The following LIMD1 variants were observed in gnomAD, a reference collection of about 807,000 sequenced individuals.
LIMD1 encodes the protein LIM domain containing 1, also known as LIM domain-containing protein 1.
LIMD1 carries 23 observed loss-of-function variants against 58.4 expected under a neutral mutation model. That is an observed-to-expected ratio of 0.39 (90% confidence interval 0.28 to 0.56). The LOEUF (loss-of-function observed/expected upper bound fraction) is 0.56, where lower values mean the gene tolerates loss of function less well. Among genes scored for constraint, LIMD1 ranks in the 20% least tolerant of loss-of-function variants. LIMD1 has a pLI of 0.57. For synonymous variants in LIMD1, 334 were observed against 345.5 expected (o/e 0.97, Z 0.37); for missense variants, 838 against 855.5 (o/e 0.98, Z 0.25).
intron 4 of LIMD1, among the ~76,000 whole-genome samples, chr3:45,669,498 C>CAT (rs1422727984): frequency 1.3e-5 from 2 of 152,088 alleles, no homozygotes; most frequent in Non-Finnish European, 2.9e-5. Context: ...TTCACATGTG[C>CAT]ATATACCCCT....
intron 1 of LIMD1, chr3:45,635,824 C>G: frequency 7.7e-6 from 7 of 908,254 alleles, no homozygotes; most frequent in Non-Finnish European, 9.2e-6. Flanking sequence ...TGCAATCTTT[C>G]TGAACTGTCT....
Position 45,685,130 on chromosome 3 carries a change from TAAA to T in LIMD1, c.*8074_*8076del. ...ATTGGAAGGCCTCTGGCAGATTTTGTAAAAAGTTATATAACAATTTTACTATAG... is the reference window on the plus strand; with the variant it reads ...ATTGGAAGGCCTCTGGCAGATTTTGTAAGTTATATAACAATTTTACTATAG... On this transcript the variant is annotated 3_prime_UTR_variant, in exon 8 of 8. Transcript: ENST00000273317. 6.6e-6 allele frequency: 1 copy of T among 152,340 alleles called. No individual in the cohort carries two copies. The highest frequency in any genetic ancestry group is 2.1e-4 in the South Asian group (1 of 4,824). The allele number at this position is 152,340 out of a possible 1,614,324, so 9.4% of individuals were successfully genotyped here.
chr3:45,628,379 CAAAT>C (rs750904593), intron 1 of LIMD1, among the ~76,000 whole-genome samples: 1 of 152,072 alleles, frequency 6.6e-6, no homozygotes, highest in African/African-American at 2.4e-5. Flanking sequence ...AAAAGGATGA[CAAAT>C]AAGCAGGTGA....
chr3:45,668,180 G>C, intron 3 of LIMD1, 114 bp from the exon 4 acceptor site: 1 of 772,634 alleles, frequency 1.3e-6, no homozygotes, highest in East Asian at 2.6e-5. Context: ...ACAGAATTCT[G>C]CACAGAGTGA....
intron 1 of LIMD1, among the ~76,000 whole-genome samples, chr3:45,625,254 C>T (rs1470299923): frequency 2.6e-5 from 4 of 152,018 alleles, no homozygotes. Flanking sequence ...ATTTGAGAAC[C>T]ACTGTTGTGC....
chr3:45,640,305 G>A (rs1357142198), intron 2 of LIMD1, among the ~76,000 whole-genome samples: 1 of 152,052 alleles, frequency 6.6e-6, no homozygotes, highest in Middle Eastern at 3.2e-3. Flanking sequence ...ACATTTCTCT[G>A]TCCAGTCTTA....
chr3:45,668,312 T>G lies in LIMD1; in HGVS notation c.1597T>G (p.Ser533Ala). 6.2e-7 allele frequency: 1 copy of G among 1,613,156 alleles called. No individual in the cohort carries two copies. Among genetic ancestry groups the G allele is most frequent in the Non-Finnish European group, 8.5e-7 (1 of 1,179,388 alleles). Residue 533 changes from serine (S) to alanine (A), a missense_variant, in exon 4 of 8, where the codon TCG becomes GCG. This residue lies in a region of LIMD1 where 174 missense variants were observed against 197.4 expected (regional missense o/e 0.88). Coordinates refer to ENST00000273317, the MANE Select transcript of LIMD1 (RefSeq NM_014240.3). ...EDFLYSGFQQSADRCFLCGHL... is the reference protein window; with the variant it reads ...EDFLYSGFQQAADRCFLCGHL... ...TCTGCAGTACTCTGGTTTCCAGCAG[T>G]CGGCTGACAGGTGTTTTCTTTGTGG...
chr3:45,600,461 A>G (rs1701400282), intron 1 of LIMD1, among the ~76,000 whole-genome samples: 1 of 151,900 alleles, frequency 6.6e-6, no homozygotes, highest in Admixed American at 6.6e-5. Flanking sequence ...GTTTAGTAAA[A>G]TAGGATCCTA....
At position 45,625,080 on chromosome 3, in the gene LIMD1, T is replaced by TATGTTAATATG. The variant is rs548645770; in HGVS notation, c.1409-11070_1409-11069insATGTTAATATG. Among the ~76,000 whole-genome samples the TATGTTAATATG allele has an allele frequency of 3.1e-3, 464 of 152,074 alleles. 4 individuals carry two copies. The highest frequency in any genetic ancestry group is 0.01 in the African/African-American group (427 of 41,490). The stretch of plus-strand genomic sequence containing the variant: ...GACCAGTTTTGCCGTATGTTAATGG[T>TATGTTAATATG]TTTCAGATAATCTTCCTGGAACCAC... On this transcript the variant is annotated intron_variant, in intron 1 of 7. Coordinates refer to ENST00000273317, the MANE Select transcript of LIMD1 (RefSeq NM_014240.3).
At chr3:45,675,434 CAGG>C (rs962737480) in intron 7 of LIMD1, among the ~76,000 whole-genome samples, 5 of 152,164 alleles carry the variant, frequency 3.3e-5, no homozygotes, top group African/African-American at 1.2e-4. Flanking sequence ...GAAGCTGAGA[CAGG>C]AGAATTGCTT....
chr3:45,613,469 G>C (rs1461156700), intron 1 of LIMD1, among the ~76,000 whole-genome samples: 1 of 152,026 alleles, frequency 6.6e-6, no homozygotes, highest in South Asian at 2.1e-4. Flanking sequence ...CTATGCTGTT[G>C]CATTATCAAC....
At chr3:45,623,251 G>A (rs1346062998) in intron 1 of LIMD1, among the ~76,000 whole-genome samples, 1 of 152,124 alleles carries the variant, frequency 6.6e-6, no homozygotes, top group Non-Finnish European at 1.5e-5. Flanking sequence ...TCGAAGTTAA[G>A]ACCCTCGTGA....
intron 2 of LIMD1, among the ~76,000 whole-genome samples, chr3:45,638,848 G>T (rs1417065317): frequency 1.3e-5 from 2 of 152,082 alleles, no homozygotes; most frequent in African/African-American, 4.8e-5. Flanking sequence ...TTGTGGTTTT[G>T]ATTTGCATTT....
intron 2 of LIMD1, among the ~76,000 whole-genome samples, chr3:45,640,402 C>T (rs1030052155): frequency 6.6e-6 from 1 of 152,074 alleles, no homozygotes; most frequent in African/African-American, 2.4e-5. Context: ...GTGCACTCTG[C>T]TTTCTTGTTG....
intron 2 of LIMD1, among the ~76,000 whole-genome samples, chr3:45,655,503 A>G (rs1342909693): frequency 6.6e-6 from 1 of 152,184 alleles, no homozygotes; most frequent in Non-Finnish European, 1.5e-5. Flanking sequence ...ACAGCATCAA[A>G]TGGAAGTGCC....
chr3:45,676,167 G>A, intron 7 of LIMD1, among the ~76,000 whole-genome samples: 1 of 152,056 alleles, frequency 6.6e-6, no homozygotes, highest in East Asian at 1.9e-4. Flanking sequence ...CCTTGAACGG[G>A]GGAGGTGGAT....
intron 1 of LIMD1, 160 bp from the exon 2 acceptor site, chr3:45,635,990 G>A: frequency 1.0e-6 from 1 of 985,288 alleles, no homozygotes; most frequent in Non-Finnish European, 1.2e-6. Flanking sequence ...GAGTGACAGA[G>A]GGAGAGGGAG....
rs544828498 is a variant in LIMD1 at position 45,659,771 on chromosome 3, A to G, written c.1511-5879A>G. 2.0e-5 allele frequency among the ~76,000 whole-genome samples: 3 copies of G among 152,332 alleles called. No individual in the cohort carries two copies. In the South Asian group the frequency reaches 6.2e-4, roughly 32 times the overall value. On this transcript the variant is annotated intron_variant, in intron 2 of 7. Coordinates refer to ENST00000273317, the MANE Select transcript of LIMD1 (RefSeq NM_014240.3). ...CCAGTTTGGATCTAAGTAAATATTT[A>G]TTCACTTTTTAAAATTCTTTCCCAA...
Position 45,677,151 on chromosome 3 carries a change from G to A in LIMD1, c.*92G>A. ...GCCCCTGGGGTGGAAGTGGGGTAGG[G>A]GAAGAGGAGGGGCAGGAGGGAGAGT... On this transcript the variant is annotated 3_prime_UTR_variant, in exon 8 of 8. Coordinates refer to ENST00000273317, the MANE Select transcript of LIMD1 (RefSeq NM_014240.3). 1 of 1,434,944 alleles carries A rather than the reference G, an allele frequency of 7.0e-7. No homozygotes were observed. Among genetic ancestry groups the A allele is most frequent in the African/African-American group, 1.4e-5 (1 of 71,716 alleles). 88.9% of individuals were successfully genotyped at this position (1,434,944 alleles called of 1,614,324 possible). A position where few individuals can be genotyped will look rare whatever the true frequency, so the allele number is the denominator to read the frequency against.
Sources: allele counts gnomAD v4.1 joint callset (sites outside exome capture counted in the v4.1 genomes callset), GRCh38; gene constraint gnomAD v4.1.1; regional missense constraint gnomAD v4.1.1; transcripts MANE v1.5; gene names NCBI Gene and HGNC (gene_info 2026-07-23, HGNC 2026-07-21).